F8: variants seen among roughly 807,000 people sequenced by gnomAD.
F8 encodes the protein coagulation factor VIII.
A neutral mutation model predicts 140.6 loss-of-function variants in F8; 12 were observed. That is an observed-to-expected ratio of 0.09 (90% CI 0.05 to 0.14). The LOEUF is 0.14. Ranked by LOEUF, F8 falls within the 10% of genes least tolerant of loss-of-function variation. The pLI, the probability that F8 is intolerant of heterozygous loss-of-function variation, is 1.00. For missense variants in F8, 1,354 were observed against 1,720.7 expected, an observed-to-expected ratio of 0.79 and a Z score of 3.77; for synonymous variants, 585 against 614.6, an observed-to-expected ratio of 0.95 and a Z score of 0.71.
chrX:154,943,626 T>A (rs2073283470), intron 13 of F8, among the ~76,000 whole-genome samples: 1 of 111,707 alleles, frequency 9.0e-6, no homozygotes, highest in Non-Finnish European at 1.9e-5. Context: ...GCCATCCCCA[T>A]CAAGCTACCA....
intron 22 of F8, among the ~76,000 whole-genome samples, chrX:154,893,478 A>G (rs2072959842): frequency 8.9e-6 from 1 of 112,432 alleles, no homozygotes. Flanking sequence ...AATGACCACC[A>G]ATTATTTAAC....
chrX:154,879,930 C>T (rs1252400300), intron 22 of F8, among the ~76,000 whole-genome samples: 1 of 111,761 alleles, frequency 8.9e-6, no homozygotes, highest in African/African-American at 3.3e-5. Context: ...TTTCCTGAGG[C>T]CTCACAGTCA....
intron 25 of F8, among the ~76,000 whole-genome samples, chrX:154,850,083 TTG>T (rs60052978): frequency 0.011 from 1,074 of 95,946 alleles, 12 homozygotes; most frequent in African/African-American, 0.026. Context: ...CAGGCTTGTT[TTG>T]TGTGTGTGTG....
intron 4 of F8, among the ~76,000 whole-genome samples, chrX:154,991,693 C>T (rs782448679): frequency 1.8e-5 from 2 of 112,085 alleles, no homozygotes; most frequent in Non-Finnish European, 3.8e-5. Flanking sequence ...GTGGTTTTGG[C>T]ACTTTCTCAT....
At chrX:154,839,155 T>C (rs368678941) in intron 25 of F8, among the ~76,000 whole-genome samples, 3 of 109,497 alleles carry the variant, frequency 2.7e-5, no homozygotes, top group African/African-American at 9.9e-5. Flanking sequence ...GTATATGTGA[T>C]TCCCTCTGCT....
At chrX:154,853,502 CTA>C (rs201066190) in intron 25 of F8, among the ~76,000 whole-genome samples, 1,371 of 111,790 alleles carry the variant, frequency 0.012, 24 homozygotes, top group African/African-American at 0.042. Flanking sequence ...GTTTGCTGAT[CTA>C]TGTCTGTGAT....
chrX:154,936,249 A>G (rs782784708), intron 13 of F8, among the ~76,000 whole-genome samples: 2 of 111,947 alleles, frequency 1.8e-5, no homozygotes, highest in Non-Finnish European at 3.8e-5. Context: ...GTGAAGATAT[A>G]ATTCAAAAAC....
At chrX:154,975,177 GTTTA>G (rs1415923428) in intron 6 of F8, among the ~76,000 whole-genome samples, 1 of 110,463 alleles carries the variant, frequency 9.1e-6, no homozygotes, top group East Asian at 2.8e-4. Flanking sequence ...TCATTAGGTT[GTTTA>G]TTTGAGATTT....
chrX:154,964,389 T>C (rs1402372185), intron 9 of F8, among the ~76,000 whole-genome samples: 1 of 111,430 alleles, frequency 9.0e-6, no homozygotes, highest in East Asian at 2.8e-4. Flanking sequence ...AAAAAATACG[T>C]ACACAAAATT....
At chrX:155,011,237 C>T (rs945111036) in intron 1 of F8, among the ~76,000 whole-genome samples, 3 of 112,044 alleles carry the variant, frequency 2.7e-5, no homozygotes, top group Non-Finnish European at 3.8e-5. Flanking sequence ...ATTAAAAACA[C>T]GCAAAGCATT....
At chrX:155,007,837 C>CA (rs1230337030) in intron 1 of F8, among the ~76,000 whole-genome samples, 1 of 110,513 alleles carries the variant, frequency 9.0e-6, no homozygotes, top group African/African-American at 3.3e-5. Flanking sequence ...TCCCTGGTGC[C>CA]AAAAAGGTTG....
intron 10 of F8, among the ~76,000 whole-genome samples, chrX:154,959,171 T>C (rs1295478434): frequency 1.8e-5 from 2 of 110,504 alleles, no homozygotes; most frequent in East Asian, 5.8e-4. Flanking sequence ...AGCTCAGGAG[T>C]TCGACACCAG....
chrX:154,967,843 C>T (rs1384185615), intron 7 of F8, among the ~76,000 whole-genome samples: 2 of 111,324 alleles, frequency 1.8e-5, no homozygotes, highest in East Asian at 5.6e-4. Context: ...GTCAAAATTC[C>T]ATAAATATTA....
At chrX:154,972,076 T>C (rs2073459227) in intron 6 of F8, among the ~76,000 whole-genome samples, 1 of 112,397 alleles carries the variant, frequency 8.9e-6, no homozygotes, top group Admixed American at 9.4e-5. Flanking sequence ...GATAGATCTA[T>C]TTTTAATTTT....
chrX:154,876,144 G>T (rs1318606196), intron 22 of F8, among the ~76,000 whole-genome samples: 2 of 97,061 alleles, frequency 2.1e-5, no homozygotes, highest in African/African-American at 8.1e-5. Flanking sequence ...TTTTGAGACG[G>T]AGTCTCGCTC....
At chrX:155,015,897 T>C (rs782225784) in intron 1 of F8, among the ~76,000 whole-genome samples, 1 of 112,603 alleles carries the variant, frequency 8.9e-6, no homozygotes, top group African/African-American at 3.2e-5. Flanking sequence ...AATGGCTAAT[T>C]AGCACATGCA....
intron 6 of F8, among the ~76,000 whole-genome samples, chrX:154,973,170 G>T (rs2073467926): frequency 8.9e-6 from 1 of 112,420 alleles, no homozygotes; most frequent in Admixed American, 9.4e-5. Flanking sequence ...TTAAATGTTT[G>T]GGTGTATTTC....
chrX:154,982,304 A>G (rs781912149), intron 6 of F8, among the ~76,000 whole-genome samples: 24 of 104,393 alleles, frequency 2.3e-4, no homozygotes, highest in African/African-American at 5.3e-4. Flanking sequence ...AAAATTAGCC[A>G]GTCGAGGTGG....
At chrX:154,898,079 C>A (rs1476758391) in intron 21 of F8, 1 of 112,053 alleles carries the variant, frequency 8.9e-6, no homozygotes, top group African/African-American at 3.2e-5. Flanking sequence ...AGTACAAACA[C>A]TGCAGCTGCG....
Sources: gnomAD v4.1 joint callset for allele counts (sites outside exome capture counted in the v4.1 genomes callset) on GRCh38, gnomAD v4.1.1 for gene constraint, MANE v1.5 for transcripts, NCBI Gene and HGNC (gene_info 2026-07-23, HGNC 2026-07-21) for gene names.